The following XRCC6 variants were observed in gnomAD, a reference collection of about 807,000 sequenced individuals.
XRCC6 encodes the protein DNA repair protein Ku70.
XRCC6 carries 5 observed loss-of-function variants against 65.7 expected under a neutral mutation model. That is an observed-to-expected ratio of 0.08 (90% CI 0.04 to 0.16). The LOEUF (loss-of-function observed/expected upper bound fraction) is 0.16, where lower values mean the gene tolerates loss of function less well. Ranked by LOEUF, XRCC6 falls within the 10% of genes least tolerant of loss-of-function variation. The probability of loss-of-function intolerance (pLI) is 1.00; values close to 1 mark genes in which losing one functional copy is unlikely to be tolerated. For synonymous variants in XRCC6, 270 were observed against 270.6 expected (o/e 1.00, Z 0.02); for missense variants, 447 against 738.1 (o/e 0.61, Z 4.57).
chr22:41,631,374 G>T (rs2067747697), intron 3 of XRCC6, among the ~76,000 whole-genome samples: 2 of 150,870 alleles, frequency 1.3e-5, no homozygotes, highest in Admixed American at 1.3e-4. Flanking sequence ...TCTCAGACGG[G>T]GCGGCTCCCG....
At chr22:41,647,575 C>T (rs1489612214) in intron 7 of XRCC6, among the ~76,000 whole-genome samples, 1 of 97,270 alleles carries the variant, frequency 1.0e-5, no homozygotes, top group Non-Finnish European at 2.3e-5. Context: ...AAGCGTAACT[C>T]CGTCTCAAAA....
At position 41,640,626 on chromosome 22, in the gene XRCC6, A is replaced by G. The variant is rs1009236709; in HGVS notation, c.773+2835A>G. 5.3e-5 allele frequency among the ~76,000 whole-genome samples: 8 copies of G among 152,344 alleles called. No homozygotes were observed. The East Asian group carries it at 1.5e-3, about 29-fold the overall frequency. ...TTAAGAGTTTACTGACAATTCTACC[A>G]GAAAACCCAAGAAATTTTTTTGAGG... is the stretch of plus-strand genomic sequence containing the variant. On this transcript the variant is annotated intron_variant, in intron 6 of 12. Coordinates refer to ENST00000360079, the MANE Select transcript of XRCC6 (RefSeq NM_001469.5).
At position 41,637,853 on chromosome 22, in the gene XRCC6, G is replaced by A. The variant is rs746494923; in HGVS notation, c.773+62G>A. The A allele has an allele frequency of 7.2e-6, 11 of 1,533,420 alleles. 1 individual carries two copies. Among genetic ancestry groups the A allele is most frequent in the Middle Eastern group, 3.9e-4 (2 of 5,068 alleles). The allele number at this position is 1,533,420 out of a possible 1,614,324, so 95.0% of individuals were successfully genotyped here. A position where few individuals can be genotyped will look rare whatever the true frequency, so the allele number is the denominator to read the frequency against. Reference sequence around the variant, plus strand: ...CTTAAATCAGAAGCAGGCTGGGCGCGGTGGCTCACACCTGTAATCCCAACA... The same window carrying A: ...CTTAAATCAGAAGCAGGCTGGGCGCAGTGGCTCACACCTGTAATCCCAACA... On this transcript the variant is annotated intron_variant, in intron 6 of 12. Coordinates refer to ENST00000360079, the MANE Select transcript of XRCC6 (RefSeq NM_001469.5).
intron 2 of XRCC6, among the ~76,000 whole-genome samples, chr22:41,624,163 T>A (rs917837498): frequency 1.3e-4 from 20 of 151,978 alleles, no homozygotes; most frequent in Admixed American, 1.2e-3. Flanking sequence ...GGCGGGCAGA[T>A]CACTTGAGGT....
chr22:41,656,804 C>CCCAGCA (rs1264822863), intron 9 of XRCC6, 99 bp from the exon 10 acceptor site: 3 of 1,556,840 alleles, frequency 1.9e-6, no homozygotes, highest in East Asian at 2.3e-5. Flanking sequence ...GGGCCCCAGC[C>CCCAGCA]CCAGCACCAC....
rs2068052264 is a variant in XRCC6, at chr22:41,657,119, C to G, written c.1421+87C>G. 6 of 1,441,218 alleles carry G rather than the reference C, an allele frequency of 4.2e-6. No individual in the cohort carries two copies. The East Asian group carries it at 1.5e-4, about 35-fold the overall frequency. The allele number at this position is 1,441,218 out of a possible 1,614,324, so 89.3% of individuals were successfully genotyped here. Reference sequence around the variant, plus strand: ...TTGGGCATAGGCCAAGAGAATGGCACTACTCTTTTCAGCAAACTGACAGAT... The same window carrying G: ...TTGGGCATAGGCCAAGAGAATGGCAGTACTCTTTTCAGCAAACTGACAGAT... On this transcript the variant is annotated intron_variant, in intron 10 of 12. Coordinates refer to ENST00000360079, the MANE Select transcript of XRCC6 (RefSeq NM_001469.5).
intron 3 of XRCC6, among the ~76,000 whole-genome samples, chr22:41,629,871 G>A (rs976596293): frequency 6.6e-5 from 10 of 151,828 alleles, no homozygotes; most frequent in African/African-American, 1.7e-4. Context: ...GGGTTTCACC[G>A]TGTTAGCCAG....
chr22:41,652,377 T>TC (rs1256376920), intron 8 of XRCC6, among the ~76,000 whole-genome samples: 16 of 151,872 alleles, frequency 1.1e-4, no homozygotes. Flanking sequence ...TTTTTTTTTT[T>TC]TTTCTGGAGA....
chr22:41,660,359 C>T (rs1009744050), intron 11 of XRCC6, among the ~76,000 whole-genome samples: 7 of 152,212 alleles, frequency 4.6e-5, no homozygotes, highest in Non-Finnish European at 7.3e-5. Context: ...ATTCTTCTTA[C>T]ATTCTGGTTT....
chr22:41,647,716 C>T (rs894985538), intron 7 of XRCC6, among the ~76,000 whole-genome samples: 2 of 151,996 alleles, frequency 1.3e-5, no homozygotes, highest in African/African-American at 2.4e-5. Flanking sequence ...GCCACTGTGC[C>T]CAGCGTTTTT....
chr22:41,655,601 C>A (rs1385964533), intron 9 of XRCC6, among the ~76,000 whole-genome samples: 2 of 151,408 alleles, frequency 1.3e-5, no homozygotes, highest in Admixed American at 1.3e-4. Flanking sequence ...ACTTGGGAGG[C>A]TGAGGCAGGA....
chr22:41,622,767 C>T (rs533119253), intron 2 of XRCC6, among the ~76,000 whole-genome samples: 3 of 151,818 alleles, frequency 2.0e-5, no homozygotes, highest in South Asian at 2.1e-4. Flanking sequence ...GGTGAAACCC[C>T]GTCTGTACTA....
At chr22:41,636,489 T>C (rs763525468) in intron 4 of XRCC6, 27 bp from the exon 5 acceptor site, 2 of 1,608,706 alleles carry the variant, frequency 1.2e-6, no homozygotes, top group African/African-American at 2.7e-5. Context: ...GATTTTTCTT[T>C]CCATTTGACT....
At chr22:41,633,389 G>A (rs1383030820) in intron 3 of XRCC6, among the ~76,000 whole-genome samples, 6 of 151,580 alleles carry the variant, frequency 4.0e-5, no homozygotes, top group African/African-American at 1.5e-4. Flanking sequence ...TTTTTAGACC[G>A]TGGACCTATT....
At chr22:41,629,204 C>G (rs1013930221) in intron 3 of XRCC6, among the ~76,000 whole-genome samples, 1 of 152,048 alleles carries the variant, frequency 6.6e-6, no homozygotes, top group Non-Finnish European at 1.5e-5. Flanking sequence ...GTTCTTGTTT[C>G]TTTAAATTGA....
chr22:41,650,029 AAATAAT>A (rs1039901200), intron 7 of XRCC6, among the ~76,000 whole-genome samples: 3 of 151,904 alleles, frequency 2.0e-5, no homozygotes, highest in African/African-American at 7.3e-5. Flanking sequence ...CTCAAATAAT[AAATAAT>A]AATAAATAGA....
At chr22:41,635,174 G>T (rs1292500145) in intron 3 of XRCC6, among the ~76,000 whole-genome samples, 1 of 152,144 alleles carries the variant, frequency 6.6e-6, no homozygotes, top group Non-Finnish European at 1.5e-5. Flanking sequence ...TATACTTTAA[G>T]TCATCTATAG....
At chr22:41,649,846 A>T (rs1007585539) in intron 7 of XRCC6, among the ~76,000 whole-genome samples, 1 of 90,126 alleles carries the variant, frequency 1.1e-5, no homozygotes, top group African/African-American at 3.0e-5. Context: ...CTCAAAAAAA[A>T]AAATAATAAT....
intron 3 of XRCC6, among the ~76,000 whole-genome samples, chr22:41,630,901 T>TTTTCCCCACC (rs2067736062): frequency 6.6e-6 from 1 of 152,246 alleles, no homozygotes; most frequent in Non-Finnish European, 1.5e-5. Flanking sequence ...TTTCTCAATC[T>TTTTCCCCACC]TTTCCCCACC....
Sources: allele counts gnomAD v4.1 joint callset (sites outside exome capture counted in the v4.1 genomes callset), GRCh38; gene constraint gnomAD v4.1.1; transcripts MANE v1.5; gene names NCBI Gene and HGNC (gene_info 2026-07-23, HGNC 2026-07-21).